The following FBXO11 variants were observed in gnomAD, a reference collection of about 807,000 sequenced individuals.
The protein encoded by FBXO11 is F-box only protein 11.
A neutral mutation model predicts 117.0 loss-of-function variants in FBXO11; 13 were observed. The observed-to-expected ratio is 0.11, with a 90% CI of 0.07 to 0.18. The LOEUF is 0.18. Ranked by LOEUF, FBXO11 falls within the 10% of genes least tolerant of loss-of-function variation. FBXO11 has a pLI of 1.00. For missense variants in FBXO11, 767 were observed against 1,164.4 expected, an observed-to-expected ratio of 0.66 and a Z score of 4.97; for synonymous variants, 490 against 380.5, an observed-to-expected ratio of 1.29 and a Z score of -3.35.
chr2:47,861,525 T>C lies in FBXO11; in HGVS notation c.233-21756A>G, dbSNP rs1366205952. 2.0e-5 allele frequency among the ~76,000 whole-genome samples: 3 copies of C among 152,072 alleles called. 1 individual carries two copies. The highest frequency in any genetic ancestry group is 4.4e-5 in the Non-Finnish European group (3 of 68,016). ...TTTGGAGAGATGGTGTCTTGCTGTA[T>C]TGCCCTGACTGGTCTTGAATTTCTG... On this transcript the variant is annotated intron_variant, in intron 1 of 22. Coordinates refer to ENST00000403359, the MANE Select transcript of FBXO11 (RefSeq NM_001190274.2).
intron 11 of FBXO11, among the ~76,000 whole-genome samples, chr2:47,824,246 G>A (rs937734005): frequency 6.6e-6 from 1 of 152,196 alleles, no homozygotes; most frequent in Non-Finnish European, 1.5e-5. Context: ...CCAGCACTTT[G>A]GAAGACCGAG....
chr2:47,854,086 G>A (rs1674086462), intron 1 of FBXO11, among the ~76,000 whole-genome samples: 3 of 152,142 alleles, frequency 2.0e-5, no homozygotes, highest in Non-Finnish European at 2.9e-5. Context: ...TTCAAAGTAT[G>A]TATCACATTA....
chr2:47,873,253 T>C (rs571006064), intron 1 of FBXO11, among the ~76,000 whole-genome samples: 58 of 152,310 alleles, frequency 3.8e-4, no homozygotes, highest in Non-Finnish European at 7.1e-4. Flanking sequence ...ACATTTTAGG[T>C]TTGAAGGCCC....
intron 16 of FBXO11, 184 bp downstream of exon 16, chr2:47,818,595 C>A: frequency 1.8e-6 from 1 of 545,928 alleles, no homozygotes; most frequent in Non-Finnish European, 3.3e-6. Flanking sequence ...CCAGTGGCTT[C>A]TGTCCTCACC....
chr2:47,843,903 G>A (rs758843004), intron 1 of FBXO11, among the ~76,000 whole-genome samples: 1 of 151,988 alleles, frequency 6.6e-6, no homozygotes. Flanking sequence ...ACTACGCCCG[G>A]CTAATTTTTG....
Position 47,813,822 on chromosome 2 carries a change from T to C in FBXO11, c.2052A>G (p.Gly684=). 1 of 1,613,658 alleles carries C rather than the reference T, an allele frequency of 6.2e-7. No homozygotes were observed. The highest frequency in any genetic ancestry group is 8.5e-7 in the Non-Finnish European group (1 of 1,179,620). The change falls in exon 17 of 23, where the codon GGA becomes GGG. Residue 684 remains glycine, a synonymous_variant. Coordinates refer to ENST00000403359, the MANE Select transcript of FBXO11 (RefSeq NM_001190274.2). ...PKIRRNKIWG[G]QNGGILVYNS... ...TATAAACTAGAATTCCACCATTCTGTCCTCCCCAGATTTTGTTGCGTCTAA... is the reference window on the plus strand; with the variant it reads ...TATAAACTAGAATTCCACCATTCTGCCCTCCCCAGATTTTGTTGCGTCTAA...
Position 47,854,932 on chromosome 2 carries a change from C to T in FBXO11, c.233-15163G>A, listed in dbSNP as rs1234787163. Among the ~76,000 whole-genome samples the T allele has an allele frequency of 2.7e-5, 4 of 149,804 alleles. No individual in the cohort carries two copies. In the East Asian group the frequency reaches 7.8e-4, roughly 29 times the overall value. On this transcript the variant is annotated intron_variant, in intron 1 of 22. Coordinates refer to ENST00000403359, the MANE Select transcript of FBXO11 (RefSeq NM_001190274.2). ...CATCAAACCTTTTATTAAGAGATGGCTTTGGCAGCAACGTGCATATAAGAA... is the reference window on the plus strand; with the variant it reads ...CATCAAACCTTTTATTAAGAGATGGTTTTGGCAGCAACGTGCATATAAGAA...
At chr2:47,884,130 A>C (rs1391836020) in intron 1 of FBXO11, among the ~76,000 whole-genome samples, 9 of 152,190 alleles carry the variant, frequency 5.9e-5, no homozygotes, top group Non-Finnish European at 1.3e-4. Context: ...GAGGCAGCAG[A>C]ATCACTTGAA....
intron 1 of FBXO11, among the ~76,000 whole-genome samples, chr2:47,864,467 A>C (rs1452494429): frequency 6.6e-6 from 1 of 152,120 alleles, no homozygotes; most frequent in Non-Finnish European, 1.5e-5. Flanking sequence ...CATGCCTGTA[A>C]TCTCAGCTAC....
intron 1 of FBXO11, among the ~76,000 whole-genome samples, chr2:47,891,062 G>A (rs954965019): frequency 6.6e-6 from 1 of 151,620 alleles, no homozygotes; most frequent in African/African-American, 2.4e-5. Context: ...GGGCTCAAGC[G>A]ATCCTCCTGC....
chr2:47,857,605 G>C (rs1189290324), intron 1 of FBXO11, among the ~76,000 whole-genome samples: 1 of 152,086 alleles, frequency 6.6e-6, no homozygotes, highest in Non-Finnish European at 1.5e-5. Flanking sequence ...GCAGGGATAG[G>C]GATGTGGTTT....
In FBXO11 at chr2:47,823,213, T is replaced by C; in HGVS notation, c.1546A>G (p.Ile516Val). Residue 516 changes from isoleucine to valine, a missense_variant, in exon 12 of 23, where the codon ATA (isoleucine) becomes GTA (valine). This residue lies in a region of FBXO11 where 67 missense variants were observed against 148.8 expected (regional missense o/e 0.45). Transcript: ENST00000403359. The part of the protein sequence containing the change: ...YVHEKGRGQF[I>V]ENKIYANNFA... ...TTGTTTGCATAGATTTTATTCTCTA[T>C]GAATTGTCCTCTTCCTTTTTCATGG... The C allele has an allele frequency of 6.2e-7, 1 of 1,614,136 alleles. No individual in the cohort carries two copies. Among genetic ancestry groups the C allele is most frequent in the Non-Finnish European group, 8.5e-7 (1 of 1,180,000 alleles).
At chr2:47,823,890 A>G (rs1671555200) in intron 11 of FBXO11, among the ~76,000 whole-genome samples, 1 of 152,038 alleles carries the variant, frequency 6.6e-6, no homozygotes, top group African/African-American at 2.4e-5. Context: ...TCTGTTGTCC[A>G]GGCTGGAGTA....
chr2:47,875,280 CAT>C (rs1184749260), intron 1 of FBXO11, among the ~76,000 whole-genome samples: 2 of 152,078 alleles, frequency 1.3e-5, no homozygotes, highest in Admixed American at 6.5e-5. Flanking sequence ...TTTAAATATA[CAT>C]AGTCACATGT....
At chr2:47,824,094 T>C (rs1319522761) in intron 11 of FBXO11, among the ~76,000 whole-genome samples, 2 of 152,218 alleles carry the variant, frequency 1.3e-5, no homozygotes, top group Non-Finnish European at 2.9e-5. Context: ...CAGCAAAACA[T>C]CTATTCGATA....
chr2:47,860,649 C>T (rs572365959), intron 1 of FBXO11, among the ~76,000 whole-genome samples: 25 of 151,628 alleles, frequency 1.6e-4, no homozygotes, highest in African/African-American at 5.8e-4. Context: ...TCAGAAAATC[C>T]ACCTGCCTCG....
At chr2:47,873,665 C>T (rs940966994) in intron 1 of FBXO11, among the ~76,000 whole-genome samples, 2 of 152,202 alleles carry the variant, frequency 1.3e-5, no homozygotes, top group African/African-American at 4.8e-5. Context: ...GCTGTTTCAA[C>T]TTTATTGGGT....
At chr2:47,892,383 T>C (rs538050534) in intron 1 of FBXO11, among the ~76,000 whole-genome samples, 3 of 152,368 alleles carry the variant, frequency 2.0e-5, no homozygotes, top group Admixed American at 1.3e-4. Flanking sequence ...TATTAACACA[T>C]GTCACTGATT....
At chr2:47,890,666 A>G (rs1572913405) in intron 1 of FBXO11, among the ~76,000 whole-genome samples, 2 of 152,082 alleles carry the variant, frequency 1.3e-5, no homozygotes, top group African/African-American at 4.8e-5. Context: ...TCAGCTGGAC[A>G]TGGTGGCAAG....
Sources: gnomAD v4.1 joint callset for allele counts (sites outside exome capture counted in the v4.1 genomes callset) on GRCh38, gnomAD v4.1.1 for gene constraint, gnomAD v4.1.1 regional missense constraint, MANE v1.5 for transcripts, NCBI Gene and HGNC (gene_info 2026-07-23, HGNC 2026-07-21) for gene names.